Variants in SCN8A observed in about 807,000 individuals in gnomAD.
The protein encoded by SCN8A is sodium channel protein type 8 subunit alpha.
Under a neutral mutation model 184.1 loss-of-function variants are expected in SCN8A, and 30 were observed. The observed-to-expected ratio is 0.16, with a 90% CI of 0.12 to 0.22. SCN8A has a LOEUF of 0.22. Ranked by LOEUF, SCN8A falls within the 10% of genes least tolerant of loss-of-function variation. The probability of loss-of-function intolerance (pLI) is 1.00; values close to 1 mark genes in which losing one functional copy is unlikely to be tolerated. For missense variants in SCN8A, 1,057 were observed against 2,498.9 expected (o/e 0.42, Z 12.30); for synonymous variants, 852 against 907.0 (o/e 0.94, Z 1.09).
At chr12:51,606,645 G>C (rs1175753910) in intron 1 of SCN8A, among the ~76,000 whole-genome samples, 1 of 151,914 alleles carries the variant, frequency 6.6e-6, no homozygotes, top group African/African-American at 2.4e-5. Flanking sequence ...CATTTTTGTG[G>C]GGATTGCATT....
chr12:51,633,616 C>G (rs1940248739), intron 1 of SCN8A, among the ~76,000 whole-genome samples: 2 of 152,164 alleles, frequency 1.3e-5, no homozygotes, highest in African/African-American at 4.8e-5. Context: ...ATTATGGATG[C>G]CTCAGCACTT....
At chr12:51,772,395 CAAA>C (rs67083627) in intron 19 of SCN8A, among the ~76,000 whole-genome samples, 257 of 141,646 alleles carry the variant, frequency 1.8e-3, no homozygotes, top group Middle Eastern at 3.7e-3. Flanking sequence ...AACTCCATCT[CAAA>C]AAAAAAAAAA....
intron 6 of SCN8A, 58 bp from the exon 7 acceptor site, chr12:51,699,512 T>G (rs2138735281): frequency 7.3e-6 from 10 of 1,376,904 alleles, no homozygotes; most frequent in Non-Finnish European, 1.0e-5. Flanking sequence ...AGAGGGAGGC[T>G]TGGGGAGGTG....
intron 22 of SCN8A, among the ~76,000 whole-genome samples, chr12:51,788,267 C>T (rs1364516933): frequency 2.7e-5 from 4 of 146,966 alleles, no homozygotes; most frequent in Non-Finnish European, 4.4e-5. Flanking sequence ...TGAGTTTTTC[C>T]AACCCCCATC....
chr12:51,651,666 C>T (rs1462983281), intron 1 of SCN8A, among the ~76,000 whole-genome samples: 10 of 152,344 alleles, frequency 6.6e-5, no homozygotes, highest in South Asian at 2.1e-4. Flanking sequence ...ATTCCCACAA[C>T]GTGGGAATTA....
At chr12:51,792,319 A>C (rs1356422551) in intron 25 of SCN8A, among the ~76,000 whole-genome samples, 2 of 65,766 alleles carry the variant, frequency 3.0e-5, no homozygotes, top group Non-Finnish European at 8.7e-5. Context: ...CATCTGTACA[A>C]AAAAAAAAAA....
chr12:51,755,025 C>T (rs560761319), intron 14 of SCN8A, among the ~76,000 whole-genome samples: 3 of 152,276 alleles, frequency 2.0e-5, no homozygotes, highest in Non-Finnish European at 4.4e-5. Flanking sequence ...TTTTTGGAAA[C>T]TGTGACTTTA....
At chr12:51,734,996 A>G (rs1433781151) in intron 12 of SCN8A, among the ~76,000 whole-genome samples, 3 of 152,176 alleles carry the variant, frequency 2.0e-5, no homozygotes, top group South Asian at 4.1e-4. Flanking sequence ...TAATTTTGCA[A>G]TATCCAAAGG....
chr12:51,601,450 T>G (rs1485424525), intron 1 of SCN8A, among the ~76,000 whole-genome samples: 4 of 151,882 alleles, frequency 2.6e-5, no homozygotes, highest in Non-Finnish European at 5.9e-5. Flanking sequence ...CCTTTTTTTT[T>G]TTTTTCCTGA....
intron 21 of SCN8A, among the ~76,000 whole-genome samples, chr12:51,783,933 A>G (rs1164533690): frequency 6.6e-6 from 1 of 152,236 alleles, no homozygotes; most frequent in Non-Finnish European, 1.5e-5. Flanking sequence ...TTTATAGATT[A>G]CTAAAACCTA....
At chr12:51,716,263 G>A (rs1941962970) in intron 11 of SCN8A, among the ~76,000 whole-genome samples, 1 of 152,216 alleles carries the variant, frequency 6.6e-6, no homozygotes, top group African/African-American at 2.4e-5. Context: ...GCTGAGGTGA[G>A]AGGATCACTT....
intron 5 of SCN8A, chr12:51,688,691 C>A: frequency 9.0e-7 from 1 of 1,109,682 alleles, no homozygotes; most frequent in Non-Finnish European, 1.4e-6. Context: ...AAGACCCTTT[C>A]TTCCCCCCAT....
chr12:51,725,851 G>A (rs150123820), intron 12 of SCN8A, among the ~76,000 whole-genome samples: 1 of 152,322 alleles, frequency 6.6e-6, no homozygotes, highest in African/African-American at 2.4e-5. Context: ...CTAGGATTTA[G>A]TGATTGTTAC....
chr12:51,692,576 T>A (rs1021857550), intron 6 of SCN8A, among the ~76,000 whole-genome samples: 2 of 152,256 alleles, frequency 1.3e-5, no homozygotes, highest in African/African-American at 4.8e-5. Context: ...GGGTCGGTTA[T>A]AGAGGAGACC....
At chr12:51,741,676 A>G (rs894024810) in intron 12 of SCN8A, among the ~76,000 whole-genome samples, 8 of 152,056 alleles carry the variant, frequency 5.3e-5, no homozygotes, top group Admixed American at 3.9e-4. Flanking sequence ...TGCAAATATT[A>G]TTAATGTCTC....
intron 22 of SCN8A, among the ~76,000 whole-genome samples, chr12:51,788,287 C>CTTTTTTTTTTTTTTTTTTTTTTCTTTT (rs66672221): frequency 1.2e-5 from 1 of 84,006 alleles, no homozygotes. Context: ...CGCTTAACAC[C>CTTTTTTTTTTTTTTTTTTTTTTCTTTT]TTTTTTTTTT....
chr12:51,769,518 A>T lies in SCN8A; in HGVS notation c.3372+183A>T, dbSNP rs149554078. 2.6e-5 allele frequency among the ~76,000 whole-genome samples: 4 copies of T among 152,272 alleles called. No homozygotes were observed. In the East Asian group the frequency reaches 7.7e-4, roughly 29 times the overall value. On this transcript the variant is annotated intron_variant, in intron 17 of 26. Transcript: ENST00000627620. ...CTTTCCTAAATGAGGTGGAATCCTA[A>T]GATGATCCTGGACCCACCTGTGTCA...
chr12:51,674,849 C>T (rs1485796867), intron 2 of SCN8A, among the ~76,000 whole-genome samples: 1 of 152,146 alleles, frequency 6.6e-6, no homozygotes, highest in African/African-American at 2.4e-5. Context: ...CCCACTTTAT[C>T]AATAAGAAAA....
At chr12:51,620,412 CTACTT>C (rs1939933856) in intron 1 of SCN8A, among the ~76,000 whole-genome samples, 1 of 152,124 alleles carries the variant, frequency 6.6e-6, no homozygotes, top group African/African-American at 2.4e-5. Context: ...TGGGAGGACT[CTACTT>C]GGATAAATTG....
Sources: allele counts gnomAD v4.1 joint callset (sites outside exome capture counted in the v4.1 genomes callset), GRCh38; gene constraint gnomAD v4.1.1; transcripts MANE v1.5; gene names NCBI Gene and HGNC (gene_info 2026-07-23, HGNC 2026-07-21).